SZT2: variants seen among roughly 807,000 people sequenced by gnomAD.
SZT2 encodes KICSTOR complex protein SZT2.
SZT2 carries 216 observed loss-of-function variants against 404.2 expected under a neutral mutation model. The ratio of observed to expected loss-of-function variants is 0.53; its 90% CI spans 0.48 to 0.60. SZT2 has a LOEUF of 0.60. Among genes scored for constraint, SZT2 ranks in the 20% least tolerant of loss-of-function variants. The pLI, the probability that SZT2 is intolerant of heterozygous loss-of-function variation, is 0.00. For missense variants in SZT2, 3,857 were observed against 4,459.2 expected, an observed-to-expected ratio of 0.86 and a Z score of 3.85; for synonymous variants, 1,693 against 1,749.9, an observed-to-expected ratio of 0.97 and a Z score of 0.81.
intron 28 of SZT2, 90 bp from the exon 29 acceptor site, chr1:43,429,613 G>A: frequency 6.5e-7 from 1 of 1,538,966 alleles, no homozygotes; most frequent in Non-Finnish European, 8.9e-7. Context: ...TGGACAAAAA[G>A]GCTTCCTGTG....
chr1:43,417,369 G>T (rs1003818931), intron 7 of SZT2, among the ~76,000 whole-genome samples: 1 of 152,164 alleles, frequency 6.6e-6, no homozygotes, highest in African/African-American at 2.4e-5. Flanking sequence ...GCTTAAAGTT[G>T]TCTCCAAGTT....
intron 65 of SZT2, chr1:43,446,634 G>GT: frequency 1.5e-6 from 1 of 648,320 alleles, no homozygotes; most frequent in Non-Finnish European, 2.7e-6. Flanking sequence ...GTGTTCAGCT[G>GT]TAGCCCTGAG....
chr1:43,428,157 G>T, intron 27 of SZT2, 39 bp downstream of exon 27: 1 of 1,611,764 alleles, frequency 6.2e-7, no homozygotes, highest in East Asian at 2.2e-5. Context: ...GTGGGGCCCT[G>T]CGGGAGATAC....
chr1:43,415,848 C>A (rs1651656079), intron 5 of SZT2, 112 bp from the exon 6 acceptor site: 2 of 1,284,734 alleles, frequency 1.6e-6, no homozygotes, highest in Admixed American at 5.3e-5. Flanking sequence ...GAGGTTCTCA[C>A]AGGATTCGGC....
In SZT2 at chr1:43,426,729, C is replaced by A; in HGVS notation, c.3229C>A (p.Leu1077Met). 1 of 1,612,272 alleles carries A rather than the reference C, an allele frequency of 6.2e-7. No homozygotes were observed. The change falls in exon 23 of 72, where the codon CTG becomes ATG. Residue 1077 changes from leucine (L) to methionine (M), a missense_variant. Around this residue, in one of 7 missense-constraint regions of SZT2, gnomAD observed 1,725 missense variants for 1,881.0 expected, o/e 0.92. Transcript: ENST00000634258. This position sits in a 1 kb window ranked among gnomAD's most constrained non-coding sequence, Gnocchi z 4.9. Reference protein sequence around the residue: ...TCHVPGAEGPLLGVHGIPKEQ... With the variant: ...TCHVPGAEGPMLGVHGIPKEQ... Reference sequence around the variant, plus strand: ...CCCCATTGTAGGTGCCGAGGGGCCACTGCTGGGGGTTCATGGGATCCCGAA... The same window carrying A: ...CCCCATTGTAGGTGCCGAGGGGCCAATGCTGGGGGTTCATGGGATCCCGAA...
In SZT2 at chr1:43,399,220, A is replaced by G. The variant is rs1649371002; in HGVS notation, c.28-3957A>G. On this transcript the variant is annotated intron_variant, in intron 1 of 71. Coordinates refer to ENST00000634258, the MANE Select transcript of SZT2 (RefSeq NM_001365999.1). Reference sequence around the variant, plus strand: ...CACCAGTTCTTTTCTGTCCTATCCTAAAGATCCCTTGAAATACAACTAAGT... The same window carrying G: ...CACCAGTTCTTTTCTGTCCTATCCTGAAGATCCCTTGAAATACAACTAAGT... Among the ~76,000 whole-genome samples, 3 of 152,202 alleles carry G rather than the reference A, an allele frequency of 2.0e-5. No individual in the cohort carries two copies. The South Asian group carries it at 6.2e-4, about 31-fold the overall frequency.
At chr1:43,416,693 T>G in intron 7 of SZT2, 52 bp downstream of exon 7, 1 of 1,402,462 alleles carries the variant, frequency 7.1e-7, no homozygotes, top group Non-Finnish European at 9.8e-7. Context: ...TCACACAAAG[T>G]TGGGATGGCT....
rs1295227956 is a variant in SZT2, at chr1:43,453,913, C to T, written c.*3433C>T. ...GCCCTGCGAACGAACGAGCACTGTT[C>T]GTGGTTAGAAAAGCGAAGTGCTGTA... On this transcript the variant is annotated 3_prime_UTR_variant, in exon 72 of 72. Coordinates refer to ENST00000634258, the MANE Select transcript of SZT2 (RefSeq NM_001365999.1). 4 of 1,209,970 alleles carry T rather than the reference C, an allele frequency of 3.3e-6. No homozygotes were observed. Among genetic ancestry groups the T allele is most frequent in the East Asian group, 3.4e-5 (1 of 29,104 alleles). 75.0% of individuals were successfully genotyped at this position (1,209,970 alleles called of 1,614,324 possible).
Position 43,448,570 on chromosome 1 carries a change from G to C in SZT2, c.9970-42G>C. ...AGGGCAGAGGGCACAGGAATCTGAGGTGACTGGCACAGAAGACTCAGGCCT... is the reference window on the plus strand; with the variant it reads ...AGGGCAGAGGGCACAGGAATCTGAGCTGACTGGCACAGAAGACTCAGGCCT... On this transcript the variant is annotated intron_variant, in intron 69 of 71. Coordinates refer to ENST00000634258, the MANE Select transcript of SZT2 (RefSeq NM_001365999.1). The surrounding 1 kb of genome is among the most constrained non-coding windows in gnomAD (Gnocchi z 4.2). The C allele has an allele frequency of 6.2e-7, 1 of 1,613,938 alleles. No individual in the cohort carries two copies. Among genetic ancestry groups the C allele is most frequent in the Non-Finnish European group, 8.5e-7 (1 of 1,179,850 alleles).
At chr1:43,396,852 G>A (rs1331940039) in intron 1 of SZT2, among the ~76,000 whole-genome samples, 5 of 152,172 alleles carry the variant, frequency 3.3e-5, no homozygotes, top group African/African-American at 1.2e-4. Flanking sequence ...TGGTAAAAAC[G>A]ATGTTTGTGG....
chr1:43,451,268 A>G lies in SZT2; in HGVS notation c.*788A>G, dbSNP rs62620015. 4.3e-6 allele frequency: 7 copies of G among 1,613,994 alleles called. 1 individual carries two copies. Among genetic ancestry groups the G allele is most frequent in the Non-Finnish European group, 5.1e-6 (6 of 1,179,982 alleles). On this transcript the variant is annotated 3_prime_UTR_variant, in exon 72 of 72. Transcript: ENST00000634258. ...GGCCAGCCTCTGGGTGGCCCCGCCT[A>G]TCCCAGTATGAACGTAGCCAACTCA...
chr1:43,420,446 G>A lies in SZT2; in HGVS notation c.1261+123G>A. ...AAGTCCTTATCACTTGAGACAGTGGGTTTTGAATTGTCATCAGGGCTTAAT... is the reference window on the plus strand; with the variant it reads ...AAGTCCTTATCACTTGAGACAGTGGATTTTGAATTGTCATCAGGGCTTAAT... On this transcript the variant is annotated intron_variant, in intron 9 of 71. Transcript: ENST00000634258. The surrounding 1 kb of genome is among the most constrained non-coding windows in gnomAD (Gnocchi z 5.1). 3.2e-6 allele frequency: 4 copies of A among 1,262,410 alleles called. No homozygotes were observed. The highest frequency in any genetic ancestry group is 4.3e-6 in the Non-Finnish European group (4 of 940,306). The allele number at this position is 1,262,410 out of a possible 1,614,324, so 78.2% of individuals were successfully genotyped here.
At chr1:43,418,759 G>T (rs189799750) in intron 7 of SZT2, among the ~76,000 whole-genome samples, 4 of 152,212 alleles carry the variant, frequency 2.6e-5, no homozygotes, top group African/African-American at 7.2e-5. Context: ...AAGCTGGGTC[G>T]AGAAAGGAGG....
Position 43,403,272 on chromosome 1 carries a change from A to T in SZT2, c.123A>T (p.Gln41His). 1 of 1,613,866 alleles carries T rather than the reference A, an allele frequency of 6.2e-7. No homozygotes were observed. The highest frequency in any genetic ancestry group is 2.2e-5 in the East Asian group (1 of 44,864). The change falls in exon 2 of 72, where the codon CAA (glutamine) becomes CAT (histidine). Residue 41 changes from glutamine (Q) to histidine (H), a missense_variant. Around this residue, in one of 7 missense-constraint regions of SZT2, gnomAD observed 536 missense variants for 637.4 expected, o/e 0.84. Coordinates refer to ENST00000634258, the MANE Select transcript of SZT2 (RefSeq NM_001365999.1). ...RLAWFLSHLH[Q>H]TVQATPQEML... is the part of the protein sequence containing the mutation. Reference sequence around the variant, plus strand: ...CTTGGTTCCTCAGTCATCTGCACCAAACTGTGCAGGCCACACCCCAGGAGA... The same window carrying T: ...CTTGGTTCCTCAGTCATCTGCACCATACTGTGCAGGCCACACCCCAGGAGA...
intron 46 of SZT2, among the ~76,000 whole-genome samples, chr1:43,438,450 C>T (rs1233328956): frequency 1.3e-5 from 2 of 152,088 alleles, no homozygotes; most frequent in East Asian, 1.9e-4. Context: ...CCTATGAGGG[C>T]GATGCTATTA....
In SZT2 at chr1:43,453,725, C is replaced by T. The variant is rs764135409; in HGVS notation, c.*3245C>T. The T allele has an allele frequency of 1.4e-6, 2 of 1,390,552 alleles. No homozygotes were observed. The highest frequency in any genetic ancestry group is 3.7e-5 in the Admixed American group (1 of 26,704). 86.1% of individuals were successfully genotyped at this position (1,390,552 alleles called of 1,614,324 possible). On this transcript the variant is annotated 3_prime_UTR_variant, in exon 72 of 72. Transcript: ENST00000634258. ...AGCCCGAGCTGCCCGCGGCCCGCAC[C>T]CGCGCGGGGAGGCCGGAGAGCTCGG...
chr1:43,441,887 C>T lies in SZT2; in HGVS notation c.7742+69C>T. On this transcript the variant is annotated intron_variant, in intron 55 of 71. Transcript: ENST00000634258. This position sits in a 1 kb window ranked among gnomAD's most constrained non-coding sequence, Gnocchi z 4.8. ...TCCTAAAAGCTGGGCCTACAGGAAG[C>T]CAAACCTGAGGAAGCTGAGCTAGGA... 6.3e-7 allele frequency: 1 copy of T among 1,599,870 alleles called. No homozygotes were observed. The highest frequency in any genetic ancestry group is 8.5e-7 in the Non-Finnish European group (1 of 1,169,706).
rs143091960 is a variant in SZT2, at chr1:43,442,842, G to A, written c.8175G>A (p.Pro2725=). 1.7e-5 allele frequency: 28 copies of A among 1,608,602 alleles called. No homozygotes were observed. Among genetic ancestry groups the A allele is most frequent in the East Asian group, 2.2e-5 (1 of 44,840 alleles). The change falls in exon 59 of 72, where the codon CCG becomes CCA. Residue 2725 remains proline, a synonymous_variant. Transcript: ENST00000634258. The surrounding 1 kb of genome is among the most constrained non-coding windows in gnomAD (Gnocchi z 4.5). The stretch of plus-strand genomic sequence containing the variant: ...AGGAGCCAAACCCATTCCTGCTGCC[G>A]ACCATGGAAGTGGAGACCCTCATCC... ...DEKEPNPFLL[P]TMEVETLIRS... is the part of the protein sequence containing the mutation.
At position 43,437,607 on chromosome 1, in the gene SZT2, A is replaced by G. The variant is rs958652865; in HGVS notation, c.6303A>G (p.Thr2101=). 1.2e-6 allele frequency: 2 copies of G among 1,613,910 alleles called. No individual in the cohort carries two copies. Residue 2101 remains threonine (T), a synonymous_variant, in exon 45 of 72, where the codon ACA becomes ACG. Transcript: ENST00000634258. The surrounding 1 kb of genome is among the most constrained non-coding windows in gnomAD (Gnocchi z 5.3). ...TGCTCTTTCCCAGGCTCCTAGAGAC[A>G]TCCTGCAGTGACCGGCCATGGAAAG... ...KAVYYLRLLE[T]SCSDRPWKGD... is the part of the protein sequence containing the mutation.
Sources: allele counts gnomAD v4.1 joint callset (sites outside exome capture counted in the v4.1 genomes callset), GRCh38; gene constraint gnomAD v4.1.1; regional missense constraint gnomAD v4.1.1; non-coding constraint Gnocchi (gnomAD v3.1); transcripts MANE v1.5; gene names NCBI Gene and HGNC (gene_info 2026-07-23, HGNC 2026-07-21).